TERT: variants seen among roughly 807,000 people sequenced by gnomAD.
The protein encoded by TERT is telomerase catalytic subunit.
In TERT, 42 loss-of-function variants were observed where a neutral mutation model predicts 104.0. That is an observed-to-expected ratio of 0.40 (90% confidence interval 0.32 to 0.52). The LOEUF (loss-of-function observed/expected upper bound fraction) is 0.52, where lower values mean the gene tolerates loss of function less well. Ranked by LOEUF, TERT falls within the 20% of genes least tolerant of loss-of-function variation. The probability of loss-of-function intolerance (pLI) is 0.43; values close to 1 mark genes in which losing one functional copy is unlikely to be tolerated. For missense variants in TERT, 1,101 were observed against 1,610.3 expected (o/e 0.68, Z 5.41); for synonymous variants, 781 against 725.6 (o/e 1.08, Z -1.23).
Position 1,279,375 on chromosome 5 carries a change from G to A in TERT, c.2046C>T (p.Gly682=), listed in dbSNP as rs1168647103. The A allele has an allele frequency of 6.4e-7, 1 of 1,564,976 alleles. No homozygotes were observed. The highest frequency in any genetic ancestry group is 8.6e-7 in the Non-Finnish European group (1 of 1,156,890). The change falls in exon 5 of 16, where the codon GGC becomes GGT. Residue 682 remains glycine, a synonymous_variant. Coordinates refer to ENST00000310581, the MANE Select transcript of TERT (RefSeq NM_198253.3). ...GCCAGGCCCTGTGGATATCGTCCAG[G>A]CCCAGCACAGAGGCGCCCAGGAGGC... ...RPGLLGASVL[G]LDDIHRAWRT...
chr5:1,278,887 C>G lies in TERT; in HGVS notation c.2131-91G>C, dbSNP rs531338094. On this transcript the variant is annotated intron_variant, in intron 5 of 15. Transcript: ENST00000310581. ...CAGGGCCTGGCCTGGCGGTGTCCCC[C>G]ACTCTCTCTCTGACCCCCACCACTC... The G allele has an allele frequency of 4.4e-5, 68 of 1,558,092 alleles. No homozygotes were observed. In the East Asian group the frequency reaches 1.5e-3, roughly 33 times the overall value.
chr5:1,276,276 C>T (rs1749578351), intron 6 of TERT, among the ~76,000 whole-genome samples: 1 of 147,728 alleles, frequency 6.8e-6, no homozygotes, highest in Non-Finnish European at 1.5e-5. Context: ...CCACCTACAC[C>T]ACACATGAAA....
chr5:1,272,077 C>T (rs1030808243), intron 7 of TERT, 108 bp downstream of exon 7: 4 of 960,388 alleles, frequency 4.2e-6, no homozygotes, highest in Non-Finnish European at 6.6e-6. Flanking sequence ...TCATTCCCCC[C>T]ACTGCCCCCC....
chr5:1,260,659 G>A, intron 11 of TERT, 59 bp from the exon 12 acceptor site: 1 of 1,606,530 alleles, frequency 6.2e-7, no homozygotes. Flanking sequence ...GCCCCCTCCT[G>A]CAAAGCTTGC....
At position 1,263,405 on chromosome 5, in the gene TERT, CT is replaced by C. The variant is rs569826270; in HGVS notation, c.2843+998del. 0.015 allele frequency among the ~76,000 whole-genome samples: 2,177 copies of C among 142,310 alleles called. 11 individuals are homozygous for C. The highest frequency in any genetic ancestry group is 0.021 in the Non-Finnish European group (1,351 of 64,646). The allele number at this position is 142,310 out of a possible 152,430, so 93.4% of individuals were successfully genotyped here. ...CCACTATGGTTTTGGAATGCTGATA[CT>C]TTTTTTTTTTTTTTTAAGATGAAGT... On this transcript the variant is annotated intron_variant, in intron 11 of 15. Transcript: ENST00000310581. The surrounding 1 kb of genome is among the most constrained non-coding windows in gnomAD (Gnocchi z 5.3).
rs374951454 is a variant in TERT, at chr5:1,289,525, G to A, written c.1573+3788C>T. Among the ~76,000 whole-genome samples the A allele has an allele frequency of 6.8e-5, 3 of 44,342 alleles. No homozygotes were observed. In the East Asian group the frequency reaches 2.2e-3, roughly 32 times the overall value. 29.1% of individuals were successfully genotyped at this position (44,342 alleles called of 152,430 possible). ...GGACGGCGCCTCACTCACCCTACAC[G>A]TGACAGGGACACCCGGGGACGGCGC... On this transcript the variant is annotated intron_variant, in intron 2 of 15. Coordinates refer to ENST00000310581, the MANE Select transcript of TERT (RefSeq NM_198253.3).
intron 2 of TERT, chr5:1,282,838 C>T: frequency 1.6e-6 from 1 of 622,298 alleles, no homozygotes; most frequent in Non-Finnish European, 2.9e-6. Context: ...CACCGCATAT[C>T]CAGCTCACCG....
chr5:1,275,020 C>T (rs973115462), intron 6 of TERT, among the ~76,000 whole-genome samples: 2 of 152,124 alleles, frequency 1.3e-5, no homozygotes, highest in Non-Finnish European at 2.9e-5. Context: ...AGAAGGAAAA[C>T]GGAGGTTGTC....
In TERT at chr5:1,271,175, G is replaced by T. The variant is rs2126614525; in HGVS notation, c.2412C>A (p.Gly804=). The T allele has an allele frequency of 6.2e-7, 1 of 1,613,194 alleles. No individual in the cohort carries two copies. Among genetic ancestry groups the T allele is most frequent in the South Asian group, 1.1e-5 (1 of 91,090 alleles). ...QSSSLNEASS[G]LFDVFLRFMC... is the part of the protein sequence containing the mutation. Reference sequence around the variant, plus strand: ...TGAAGCGTAGGAAGACGTCGAAGAGGCCACTGCTGGCCTCATTCAGGGAGG... The same window carrying T: ...TGAAGCGTAGGAAGACGTCGAAGAGTCCACTGCTGGCCTCATTCAGGGAGG... The change falls in exon 8 of 16, where the codon GGC becomes GGA. Residue 804 remains glycine, a synonymous_variant. Coordinates refer to ENST00000310581, the MANE Select transcript of TERT (RefSeq NM_198253.3).
chr5:1,294,717 G>A, intron 1 of TERT, 51 bp from the exon 2 acceptor site: 1 of 1,573,640 alleles, frequency 6.4e-7, no homozygotes, highest in Non-Finnish European at 8.6e-7. Flanking sequence ...CATGTCGCTG[G>A]TTCCCCCCGG....
Position 1,258,806 on chromosome 5 carries a change from T to C in TERT, c.2971-147A>G, listed in dbSNP as rs549308466. The stretch of plus-strand genomic sequence containing the variant: ...TCCCTCTTCCCAGTGAAATCCGGCC[T>C]GGCCCTCACCCGGCAGCTGCGAACC... On this transcript the variant is annotated intron_variant, in intron 12 of 15. Transcript: ENST00000310581. 5.9e-5 allele frequency: 47 copies of C among 803,250 alleles called. 1 individual carries two copies. Among genetic ancestry groups the C allele is most frequent in the Admixed American group, 4.0e-4 (20 of 49,800 alleles). 49.8% of individuals were successfully genotyped at this position (803,250 alleles called of 1,614,324 possible).
intron 9 of TERT, among the ~76,000 whole-genome samples, chr5:1,266,848 G>A (rs906433842): frequency 9.9e-5 from 15 of 152,166 alleles, no homozygotes; most frequent in South Asian, 2.1e-4. Flanking sequence ...AACTGAAGAC[G>A]GTAAGAAAGC....
intron 7 of TERT, among the ~76,000 whole-genome samples, chr5:1,271,432 G>T (rs996284184): frequency 6.6e-6 from 1 of 152,226 alleles, no homozygotes; most frequent in African/African-American, 2.4e-5. Flanking sequence ...CCACCTGTGG[G>T]TCCAGCTGGG....
rs1750574475 is a variant in TERT, at chr5:1,287,564, T to C, written c.1574-4940A>G. On this transcript the variant is annotated intron_variant, in intron 2 of 15. Transcript: ENST00000310581. This position sits in a 1 kb window ranked among gnomAD's most constrained non-coding sequence, Gnocchi z 4.3. The stretch of plus-strand genomic sequence containing the variant: ...GAAAACAGACACAGCAGGAAAATAC[T>C]AATCAAAAGAAGCCCAGTGTGGCAG... 6.6e-6 allele frequency among the ~76,000 whole-genome samples: 1 copy of C among 150,560 alleles called. No individual in the cohort carries two copies. The highest frequency in any genetic ancestry group is 6.6e-5 in the Admixed American group (1 of 15,142).
Position 1,263,984 on chromosome 5 carries a change from G to A in TERT, c.2843+420C>T, listed in dbSNP as rs1748405988. On this transcript the variant is annotated intron_variant, in intron 11 of 15. Transcript: ENST00000310581. The surrounding 1 kb of genome is among the most constrained non-coding windows in gnomAD (Gnocchi z 5.3). ...GACTCACGCCCAAAAGGGCCCTGAA[G>A]TCTCTGGGTTCGGAGAGACTCACGC... is the stretch of plus-strand genomic sequence containing the variant. Among the ~76,000 whole-genome samples the A allele has an allele frequency of 6.6e-6, 1 of 152,184 alleles. No individual in the cohort carries two copies. Among genetic ancestry groups the A allele is most frequent in the South Asian group, 2.1e-4 (1 of 4,826 alleles).
At position 1,282,818 on chromosome 5, in the gene TERT, G is replaced by A. The variant is rs1579580655; in HGVS notation, c.1574-194C>T. 7.0e-5 allele frequency: 44 copies of A among 627,142 alleles called. No individual in the cohort carries two copies. In the South Asian group the frequency reaches 7.5e-4, roughly 11 times the overall value. The allele number at this position is 627,142 out of a possible 1,614,324, so 38.8% of individuals were successfully genotyped here. ...CCTCACCCTGGACCTGCACCATTCG[G>A]ACACGGGGACACCGCATATCCAGCT... On this transcript the variant is annotated intron_variant, in intron 2 of 15. Coordinates refer to ENST00000310581, the MANE Select transcript of TERT (RefSeq NM_198253.3).
chr5:1,278,910 C>T, intron 5 of TERT, 114 bp from the exon 6 acceptor site: 1 of 1,426,496 alleles, frequency 7.0e-7, no homozygotes, highest in East Asian at 2.3e-5. Context: ...ACCCCCACCA[C>T]TCCAGACCCC....
At chr5:1,281,070 A>G (rs1039537196) in intron 3 of TERT, among the ~76,000 whole-genome samples, 8 of 152,360 alleles carry the variant, frequency 5.3e-5, no homozygotes, top group Middle Eastern at 6.8e-3. Flanking sequence ...CCCCCCAGGC[A>G]GAACAACAGT....
chr5:1,279,078 C>T (rs1447321414), intron 5 of TERT, among the ~76,000 whole-genome samples: 1 of 152,216 alleles, frequency 6.6e-6, no homozygotes, highest in Non-Finnish European at 1.5e-5. Flanking sequence ...GGAATAGGAG[C>T]CCGGGCAGTC....
Sources: allele counts gnomAD v4.1 joint callset (sites outside exome capture counted in the v4.1 genomes callset), GRCh38; gene constraint gnomAD v4.1.1; non-coding constraint Gnocchi (gnomAD v3.1); transcripts MANE v1.5; gene names NCBI Gene and HGNC (gene_info 2026-07-23, HGNC 2026-07-21).